The following RBFOX1 variants were observed in gnomAD, a reference collection of about 807,000 sequenced individuals.
RBFOX1 encodes the protein RNA binding protein fox-1 homolog 1.
In RBFOX1, 8 loss-of-function variants were observed where a neutral mutation model predicts 57.7. The observed-to-expected ratio is 0.14, with a 90% CI of 0.08 to 0.25. RBFOX1 has a LOEUF of 0.25. Among genes scored for constraint, RBFOX1 ranks in the 10% least tolerant of loss-of-function variants. The pLI, the probability that RBFOX1 is intolerant of heterozygous loss-of-function variation, is 1.00. For synonymous variants in RBFOX1, 326 were observed against 222.4 expected, an observed-to-expected ratio of 1.47 and a Z score of -4.15; for missense variants, 611 against 548.5, an observed-to-expected ratio of 1.11 and a Z score of -1.14.
At chr16:6,734,745 T>C (rs12448975) in intron 3 of RBFOX1, among the ~76,000 whole-genome samples, 116,899 of 151,880 alleles carry the variant, frequency 0.77, 46,281 homozygotes, top group East Asian at 1. Context: ...CTTTTCCTCC[T>C]TTTACCCCTA....
intron 1 of RBFOX1, among the ~76,000 whole-genome samples, chr16:5,423,285 G>A (rs1161528249): frequency 3.3e-5 from 5 of 152,058 alleles, no homozygotes; most frequent in African/African-American, 1.2e-4. Context: ...GGTGCCATCT[G>A]TTCACTAAAC....
chr16:6,835,676 C>T (rs890929258), intron 3 of RBFOX1, among the ~76,000 whole-genome samples: 3 of 143,084 alleles, frequency 2.1e-5, no homozygotes, highest in East Asian at 2.2e-4. Flanking sequence ...ATAGCTTGAA[C>T]CTCAGAGGTA....
chr16:7,305,120 T>A (rs1000060162), intron 4 of RBFOX1, among the ~76,000 whole-genome samples: 1 of 151,662 alleles, frequency 6.6e-6, no homozygotes, highest in Non-Finnish European at 1.5e-5. Context: ...TTAGGGTGTT[T>A]GTGTGTGTGT....
At chr16:7,089,869 A>C (rs954272795) in intron 4 of RBFOX1, among the ~76,000 whole-genome samples, 44 of 151,740 alleles carry the variant, frequency 2.9e-4, no homozygotes, top group African/African-American at 1.1e-3. Context: ...TCCTGTGCTC[A>C]AGTATTCTGT....
At chr16:7,572,779 C>T (rs1396139318) in intron 5 of RBFOX1, among the ~76,000 whole-genome samples, 1 of 152,016 alleles carries the variant, frequency 6.6e-6, no homozygotes, top group Non-Finnish European at 1.5e-5. Flanking sequence ...GCAGAGCTTG[C>T]AGTGAGCCAA....
chr16:5,313,664 AAGAG>A (rs897098709), intron 1 of RBFOX1, among the ~76,000 whole-genome samples: 3 of 152,296 alleles, frequency 2.0e-5, no homozygotes, highest in African/African-American at 7.2e-5. Context: ...GCGGCAGACA[AAGAG>A]AGAGAGTTTG....
At chr16:5,457,315 A>T (rs151013109) in intron 1 of RBFOX1, among the ~76,000 whole-genome samples, 5,768 of 152,216 alleles carry the variant, frequency 0.038, 320 homozygotes, top group African/African-American at 0.11. Flanking sequence ...TTATATTTTT[A>T]GTAGAGATGG....
At chr16:7,511,582 C>G (rs1175821570) in intron 4 of RBFOX1, among the ~76,000 whole-genome samples, 1 of 152,072 alleles carries the variant, frequency 6.6e-6, no homozygotes, top group South Asian at 2.1e-4. Context: ...GATAGCCAGG[C>G]TATTTCATGC....
chr16:5,771,900 A>C (rs950501894), intron 3 of RBFOX1, among the ~76,000 whole-genome samples: 1 of 152,198 alleles, frequency 6.6e-6, no homozygotes, highest in Non-Finnish European at 1.5e-5. Context: ...TGGGCTGGGC[A>C]CAGTGGCTCA....
chr16:5,752,952 C>G (rs2053263802), intron 3 of RBFOX1, among the ~76,000 whole-genome samples: 1 of 151,978 alleles, frequency 6.6e-6, no homozygotes, highest in African/African-American at 2.4e-5. Flanking sequence ...AGTTCAAGAC[C>G]AGCCTGCTCT....
At chr16:5,465,646 C>T (rs542788363) in intron 1 of RBFOX1, among the ~76,000 whole-genome samples, 13 of 152,276 alleles carry the variant, frequency 8.5e-5, no homozygotes, top group African/African-American at 1.7e-4. Context: ...AGCCCATGTT[C>T]GTTGTTAATT....
intron 1 of RBFOX1, among the ~76,000 whole-genome samples, chr16:6,278,118 C>G (rs970572881): frequency 1.3e-5 from 2 of 151,976 alleles, no homozygotes; most frequent in African/African-American, 4.8e-5. Flanking sequence ...ATCTCTTTGC[C>G]ATTTTGCATG....
At chr16:5,523,474 G>C in intron 2 of RBFOX1, among the ~76,000 whole-genome samples, 1 of 152,106 alleles carries the variant, frequency 6.6e-6, no homozygotes, top group Non-Finnish European at 1.5e-5. Context: ...AAATTAGCCA[G>C]GTGTGATGGT....
chr16:7,036,959 CT>C (rs1174169452), intron 3 of RBFOX1, among the ~76,000 whole-genome samples: 1 of 152,066 alleles, frequency 6.6e-6, no homozygotes, highest in Non-Finnish European at 1.5e-5. Context: ...CATGCTTCCC[CT>C]TTTTAGATCA....
chr16:5,441,642 G>A (rs546579476), intron 1 of RBFOX1, among the ~76,000 whole-genome samples: 1 of 152,218 alleles, frequency 6.6e-6, no homozygotes, highest in Non-Finnish European at 1.5e-5. Context: ...TGGGATTATG[G>A]GTGTGAGCCA....
chr16:6,483,828 A>C, intron 2 of RBFOX1: 3 of 1,298,340 alleles, frequency 2.3e-6, no homozygotes, highest in Non-Finnish European at 2.0e-6. Flanking sequence ...TGATTAGAAT[A>C]GGGGACTTGG....
intron 4 of RBFOX1, among the ~76,000 whole-genome samples, chr16:7,234,682 T>G (rs889674451): frequency 1.3e-5 from 1 of 77,278 alleles, no homozygotes; most frequent in African/African-American, 8.8e-5. Context: ...ATATTTTATA[T>G]ATATATGTAT....
intron 3 of RBFOX1, among the ~76,000 whole-genome samples, chr16:6,848,863 G>A (rs2093911100): frequency 6.6e-6 from 1 of 152,164 alleles, no homozygotes; most frequent in South Asian, 2.1e-4. Flanking sequence ...TTCACTGATT[G>A]TATTTCCTCA....
At chr16:7,332,289 A>G (rs2096708347) in intron 4 of RBFOX1, among the ~76,000 whole-genome samples, 1 of 152,198 alleles carries the variant, frequency 6.6e-6, no homozygotes, top group Non-Finnish European at 1.5e-5. Flanking sequence ...TTGTTGTGAG[A>G]ATGAAATTAC....
Sources: gnomAD v4.1 joint callset for allele counts (sites outside exome capture counted in the v4.1 genomes callset) on GRCh38, gnomAD v4.1.1 for gene constraint, MANE v1.5 for transcripts, NCBI Gene and HGNC (gene_info 2026-07-23, HGNC 2026-07-21) for gene names.